Variants in CCNY observed in about 807,000 individuals in gnomAD.
CCNY encodes cyclin Y, also known as cyclin-Y.
CCNY carries 19 observed loss-of-function variants against 42.8 expected under a neutral mutation model. The observed-to-expected ratio is 0.44, with a 90% confidence interval of 0.31 to 0.65. CCNY has a LOEUF of 0.65. Ranked by LOEUF, CCNY falls within the 30% of genes least tolerant of loss-of-function variation. The pLI is 0.07. For missense variants in CCNY, 370 were observed against 437.3 expected (o/e 0.85, Z 1.37); for synonymous variants, 165 against 162.7 (o/e 1.01, Z -0.11).
chr10:35,357,405 C>T (rs1393761803), intron 1 of CCNY, among the ~76,000 whole-genome samples: 3 of 152,218 alleles, frequency 2.0e-5, no homozygotes, highest in African/African-American at 7.2e-5. Context: ...TCAGGAAATA[C>T]TCGAATGAAT....
intron 1 of CCNY, among the ~76,000 whole-genome samples, chr10:35,433,466 A>G (rs1838458089): frequency 6.6e-6 from 1 of 152,234 alleles, no homozygotes; most frequent in African/African-American, 2.4e-5. Flanking sequence ...AGTATAACAC[A>G]ACAGTCATCA....
chr10:35,363,610 G>A (rs1275764676), intron 1 of CCNY, among the ~76,000 whole-genome samples: 3 of 152,198 alleles, frequency 2.0e-5, no homozygotes, highest in Non-Finnish European at 2.9e-5. Flanking sequence ...AGCTCTGTTG[G>A]TTCTGTGTAG....
chr10:35,472,139 T>G (rs973498747), intron 1 of CCNY, among the ~76,000 whole-genome samples: 1 of 152,218 alleles, frequency 6.6e-6, no homozygotes, highest in Non-Finnish European at 1.5e-5. Flanking sequence ...CCCTATTGTG[T>G]GGTGGACATC....
intron 1 of CCNY, among the ~76,000 whole-genome samples, chr10:35,344,499 G>A (rs1365451883): frequency 6.6e-6 from 1 of 152,150 alleles, no homozygotes; most frequent in Non-Finnish European, 1.5e-5. Flanking sequence ...AGACCATCCT[G>A]GCTAACATGG....
At position 35,507,887 on chromosome 10, in the gene CCNY, AGT is replaced by A. The variant is rs1840246472; in HGVS notation, c.264+6355_264+6356del. On this transcript the variant is annotated intron_variant, in intron 3 of 9. Transcript: ENST00000374704. The stretch of plus-strand genomic sequence containing the variant: ...CATTTACAGCCAGAATACTACATGG[AGT>A]GTTCCCTTGCCCTTTTCAAGACATC... Among the ~76,000 whole-genome samples the A allele has an allele frequency of 2.0e-5, 3 of 151,678 alleles. No individual in the cohort carries two copies. In the South Asian group the frequency reaches 6.3e-4, roughly 32 times the overall value.
chr10:35,428,366 G>C (rs555068083), intron 1 of CCNY, among the ~76,000 whole-genome samples: 10 of 152,276 alleles, frequency 6.6e-5, no homozygotes, highest in African/African-American at 4.8e-5. Flanking sequence ...GTGGTGGTAG[G>C]GGGTGTTCTG....
At chr10:35,501,079 T>C (rs1840101558) in intron 2 of CCNY, among the ~76,000 whole-genome samples, 1 of 152,206 alleles carries the variant, frequency 6.6e-6, no homozygotes. Flanking sequence ...GCTTTCTAGA[T>C]ATTATTGTTA....
At chr10:35,379,787 AC>A (rs1211166692) in intron 1 of CCNY, among the ~76,000 whole-genome samples, 1 of 151,848 alleles carries the variant, frequency 6.6e-6, no homozygotes, top group African/African-American at 2.4e-5. Context: ...GCCTTTATCC[AC>A]CCCCTACCCC....
chr10:35,459,894 A>G (rs1338996548), intron 1 of CCNY, among the ~76,000 whole-genome samples: 5 of 152,198 alleles, frequency 3.3e-5, no homozygotes, highest in Non-Finnish European at 7.4e-5. Flanking sequence ...ACCAGGACTA[A>G]CAAGTACAGC....
intron 1 of CCNY, among the ~76,000 whole-genome samples, chr10:35,351,593 A>T (rs1836431071): frequency 6.6e-6 from 1 of 152,256 alleles, no homozygotes; most frequent in Admixed American, 6.5e-5. Context: ...AATGTGTTTT[A>T]TACTACTTAC....
chr10:35,558,354 AG>A (rs1841401047), intron 8 of CCNY, among the ~76,000 whole-genome samples: 1 of 152,232 alleles, frequency 6.6e-6, no homozygotes, highest in African/African-American at 2.4e-5. Context: ...AGTCAGTTTT[AG>A]GAGAGTGAAA....
intron 3 of CCNY, among the ~76,000 whole-genome samples, chr10:35,283,745 C>T (rs1835323053): frequency 6.6e-6 from 1 of 151,950 alleles, no homozygotes; most frequent in Admixed American, 6.6e-5. Flanking sequence ...GCCGTAACCA[C>T]CTACAAGGAA....
At chr10:35,450,942 A>C (rs1186809285) in intron 1 of CCNY, among the ~76,000 whole-genome samples, 1 of 152,070 alleles carries the variant, frequency 6.6e-6, no homozygotes, top group Non-Finnish European at 1.5e-5. Context: ...GCTCAGCTTT[A>C]AGGTCCTTTG....
chr10:35,516,941 C>T (rs956997513), intron 4 of CCNY, among the ~76,000 whole-genome samples: 2 of 151,804 alleles, frequency 1.3e-5, no homozygotes, highest in African/African-American at 4.8e-5. Context: ...TATTTTTGTT[C>T]ATGCTTTCTA....
chr10:35,474,010 T>G (rs532126249), intron 1 of CCNY, among the ~76,000 whole-genome samples: 152 of 152,312 alleles, frequency 1.0e-3, no homozygotes, highest in Non-Finnish European at 1.8e-3. Flanking sequence ...GGGAGTTCCC[T>G]TTCCTAATCA....
intron 1 of CCNY, among the ~76,000 whole-genome samples, chr10:35,478,368 A>C (rs894047216): frequency 3.3e-5 from 5 of 151,904 alleles, no homozygotes; most frequent in Admixed American, 3.3e-4. Context: ...TGGAGGCATC[A>C]CACTACCTGA....
At chr10:35,519,776 CT>C (rs1177122335) in intron 4 of CCNY, among the ~76,000 whole-genome samples, 234 of 74,634 alleles carry the variant, frequency 3.1e-3, no homozygotes, top group Middle Eastern at 0.015. Context: ...CTTTTCTTTT[CT>C]TTTTTTTTTT....
chr10:35,517,887 A>G (rs1840462824), intron 4 of CCNY, among the ~76,000 whole-genome samples: 1 of 152,120 alleles, frequency 6.6e-6, no homozygotes, highest in Non-Finnish European at 1.5e-5. Context: ...CTTTGGAAGT[A>G]TTTTCCAGAT....
chr10:35,485,319 G>C, intron 2 of CCNY, among the ~76,000 whole-genome samples: 1 of 152,336 alleles, frequency 6.6e-6, no homozygotes, highest in Non-Finnish European at 1.5e-5. Context: ...CAAGAATTCC[G>C]TGCTTTTTAA....
Sources: gnomAD v4.1 joint callset for allele counts (sites outside exome capture counted in the v4.1 genomes callset) on GRCh38, gnomAD v4.1.1 for gene constraint, MANE v1.5 for transcripts, NCBI Gene and HGNC (gene_info 2026-07-23, HGNC 2026-07-21) for gene names.